Variants in CRISPLD2 observed in about 807,000 individuals in gnomAD.
CRISPLD2 encodes the protein cysteine-rich secretory protein LCCL domain-containing 2.
CRISPLD2 carries 47 observed loss-of-function variants against 71.1 expected under a neutral mutation model. The observed-to-expected ratio is 0.66, with a 90% confidence interval of 0.52 to 0.84. The LOEUF (loss-of-function observed/expected upper bound fraction) is 0.84. Ranked by LOEUF, CRISPLD2 falls within the 40% of genes least tolerant of loss-of-function variation. The pLI is 0.00. For synonymous variants in CRISPLD2, 317 were observed against 250.1 expected, an observed-to-expected ratio of 1.27 and a Z score of -2.52; for missense variants, 830 against 651.1, an observed-to-expected ratio of 1.27 and a Z score of -2.99.
intron 14 of CRISPLD2, among the ~76,000 whole-genome samples, chr16:84,900,022 C>T (rs1380243033): frequency 6.6e-6 from 1 of 152,088 alleles, no homozygotes; most frequent in Non-Finnish European, 1.5e-5. Flanking sequence ...CTGAGGAGGG[C>T]CCTGGAATCT....
Position 84,867,056 on chromosome 16 carries a change from C to A in CRISPLD2, c.853+16C>A. ...AACTACATGAGTGAGTCTAGGCCGT[C>A]CTCCGCCCCTCCTGCCCTCCCAGCC... On this transcript the variant is annotated intron_variant, in intron 7 of 14. Coordinates refer to ENST00000262424, the MANE Select transcript of CRISPLD2 (RefSeq NM_031476.4). 1.2e-6 allele frequency: 2 copies of A among 1,607,996 alleles called. No homozygotes were observed. Among genetic ancestry groups the A allele is most frequent in the Non-Finnish European group, 1.7e-6 (2 of 1,174,970 alleles).
intron 13 of CRISPLD2, among the ~76,000 whole-genome samples, chr16:84,881,706 G>A (rs2071569989): frequency 6.6e-6 from 1 of 151,964 alleles, no homozygotes; most frequent in Admixed American, 6.6e-5. Flanking sequence ...GAACTCCTGG[G>A]CTCGAGCGAT....
At chr16:84,854,901 A>T (rs1361341680) in intron 6 of CRISPLD2, 72 bp downstream of exon 6, 12 of 1,187,554 alleles carry the variant, frequency 1.0e-5, no homozygotes, top group Non-Finnish European at 1.5e-5. Context: ...GCGTTACATG[A>T]AACAGGGGAA....
At chr16:84,843,480 G>C (rs1357673551) in intron 2 of CRISPLD2, among the ~76,000 whole-genome samples, 1 of 152,184 alleles carries the variant, frequency 6.6e-6, no homozygotes, top group Non-Finnish European at 1.5e-5. Context: ...ACAGGCTCTG[G>C]AGCCAGCCTG....
chr16:84,887,456 C>T (rs547799101), intron 13 of CRISPLD2, among the ~76,000 whole-genome samples: 1 of 152,326 alleles, frequency 6.6e-6, no homozygotes, highest in Non-Finnish European at 1.5e-5. Context: ...ACAACGGGTC[C>T]AGCTTTTCAT....
At chr16:84,831,437 G>C (rs2143151051) in intron 1 of CRISPLD2, among the ~76,000 whole-genome samples, 1 of 152,186 alleles carries the variant, frequency 6.6e-6, no homozygotes, top group South Asian at 2.1e-4. Context: ...TTTTGAGATA[G>C]AGTCGCCCAG....
At chr16:84,851,554 A>T (rs1352887677) in intron 5 of CRISPLD2, among the ~76,000 whole-genome samples, 2 of 152,190 alleles carry the variant, frequency 1.3e-5, no homozygotes, top group African/African-American at 4.8e-5. Flanking sequence ...ATGAAGGGGG[A>T]ATCGCTGAGG....
At chr16:84,873,183 A>C in intron 10 of CRISPLD2, 61 bp downstream of exon 10, 1 of 1,561,568 alleles carries the variant, frequency 6.4e-7, no homozygotes, top group Non-Finnish European at 8.7e-7. Context: ...GGTGTTGTTG[A>C]AATTTTGAAA....
intron 14 of CRISPLD2, among the ~76,000 whole-genome samples, chr16:84,902,885 G>A (rs2071768189): frequency 1.4e-5 from 2 of 143,580 alleles, no homozygotes; most frequent in Non-Finnish European, 1.5e-5. Flanking sequence ...CGATTCTCCT[G>A]CCTCAGCCTC....
In CRISPLD2 at chr16:84,908,112, C is replaced by G. The variant is rs1375996390; in HGVS notation, c.*1470C>G. On this transcript the variant is annotated 3_prime_UTR_variant, in exon 15 of 15. Transcript: ENST00000262424. Reference sequence around the variant, plus strand: ...GATACTGTAGACTGGACAAGAAATTCTACCTGGGCACCTAGGTGATGCCTT... The same window carrying G: ...GATACTGTAGACTGGACAAGAAATTGTACCTGGGCACCTAGGTGATGCCTT... 6.6e-6 allele frequency: 1 copy of G among 152,244 alleles called. No homozygotes were observed. The highest frequency in any genetic ancestry group is 2.4e-5 in the African/African-American group (1 of 41,458). The allele number at this position is 152,244 out of a possible 1,614,324, so 9.4% of individuals were successfully genotyped here. A position where few individuals can be genotyped will look rare whatever the true frequency, so the allele number is the denominator to read the frequency against.
At chr16:84,845,260 A>G (rs751074143) in intron 2 of CRISPLD2, among the ~76,000 whole-genome samples, 4 of 152,172 alleles carry the variant, frequency 2.6e-5, no homozygotes, top group Admixed American at 1.3e-4. Context: ...TTAGAATGCA[A>G]TGAAAAGGTT....
chr16:84,870,496 T>C (rs979375001), intron 8 of CRISPLD2, among the ~76,000 whole-genome samples: 2 of 152,094 alleles, frequency 1.3e-5, no homozygotes, highest in Non-Finnish European at 2.9e-5. Context: ...ATATTTTGTA[T>C]TTTTGGTAGA....
At chr16:84,846,464 G>A (rs1309770047) in intron 3 of CRISPLD2, among the ~76,000 whole-genome samples, 1 of 152,088 alleles carries the variant, frequency 6.6e-6, no homozygotes, top group African/African-American at 2.4e-5. Context: ...ATATTGGCCA[G>A]GGTGGTCTCG....
chr16:84,860,393 G>T (rs186835887), intron 6 of CRISPLD2, among the ~76,000 whole-genome samples: 2 of 152,084 alleles, frequency 1.3e-5, no homozygotes, highest in East Asian at 3.9e-4. Flanking sequence ...AGTTCTTTTC[G>T]AGTGTAGCAT....
rs754439025 is a variant in CRISPLD2 at position 84,906,798 on chromosome 16, T to A, written c.*156T>A. ...TTTGTGGCCTGTGGGTGAGGTGACA[T>A]CTCATCCCCTCACTGAAGCAACAGC... On this transcript the variant is annotated 3_prime_UTR_variant, in exon 15 of 15. Coordinates refer to ENST00000262424, the MANE Select transcript of CRISPLD2 (RefSeq NM_031476.4). 1 of 830,228 alleles carries A rather than the reference T, an allele frequency of 1.2e-6. No individual in the cohort carries two copies. The highest frequency in any genetic ancestry group is 1.4e-5 in the South Asian group (1 of 70,584). 51.4% of individuals were successfully genotyped at this position (830,228 alleles called of 1,614,324 possible).
At chr16:84,895,763 G>A (rs926740412) in intron 14 of CRISPLD2, among the ~76,000 whole-genome samples, 17 of 152,176 alleles carry the variant, frequency 1.1e-4, no homozygotes, top group African/African-American at 4.1e-4. Context: ...CCTAGCAGGG[G>A]CGATGGCATT....
intron 5 of CRISPLD2, among the ~76,000 whole-genome samples, chr16:84,854,176 C>T (rs942522558): frequency 2.0e-5 from 3 of 152,236 alleles, no homozygotes; most frequent in African/African-American, 7.2e-5. Context: ...GGGCAAGTCA[C>T]TTAACCTCAC....
intron 8 of CRISPLD2, among the ~76,000 whole-genome samples, chr16:84,870,979 A>G (rs903156984): frequency 1.3e-5 from 2 of 151,992 alleles, no homozygotes; most frequent in African/African-American, 4.8e-5. Flanking sequence ...AATCGCTTGA[A>G]CCTGGGAGGT....
chr16:84,880,547 A>G lies in CRISPLD2; in HGVS notation c.1268A>G (p.Tyr423Cys). 2 of 1,613,876 alleles carry G rather than the reference A, an allele frequency of 1.2e-6. No homozygotes were observed. Among genetic ancestry groups the G allele is most frequent in the Non-Finnish European group, 1.7e-6 (2 of 1,179,866 alleles). The stretch of plus-strand genomic sequence containing the variant: ...GCACACTGCAAAGACGAACCTTCCT[A>G]CTGGGCTCCGGTGTTTGGAACCAAC... Reference protein sequence around the residue: ...CPAHCKDEPSYWAPVFGTNIY... With the variant: ...CPAHCKDEPSCWAPVFGTNIY... Residue 423 changes from tyrosine to cysteine, a missense_variant, in exon 13 of 15, where the codon TAC (tyrosine) becomes TGC (cysteine). Tyr to Cys is a radical substitution (Grantham distance 194, BLOSUM62 -2). Coordinates refer to ENST00000262424, the MANE Select transcript of CRISPLD2 (RefSeq NM_031476.4).
Sources: allele counts gnomAD v4.1 joint callset (sites outside exome capture counted in the v4.1 genomes callset), GRCh38; gene constraint gnomAD v4.1.1; transcripts MANE v1.5; gene names NCBI Gene and HGNC (gene_info 2026-07-23, HGNC 2026-07-21).